The following GRM5 variants were observed in gnomAD, a reference collection of about 807,000 sequenced individuals.
GRM5 encodes glutamate metabotropic receptor 5, also known as metabotropic glutamate receptor 5.
Under a neutral mutation model 83.1 loss-of-function variants are expected in GRM5, and 19 were observed. The observed-to-expected ratio is 0.23, with a 90% confidence interval of 0.16 to 0.34. GRM5 has a LOEUF of 0.34. GRM5 is among the 10% of genes least tolerant of loss of function. The probability of loss-of-function intolerance (pLI) is 1.00; values close to 1 mark genes in which losing one functional copy is unlikely to be tolerated. For missense variants in GRM5, 1,160 were observed against 1,588.3 expected (o/e 0.73, Z 4.58); for synonymous variants, 675 against 633.6 (o/e 1.07, Z -0.98).
intron 2 of GRM5, among the ~76,000 whole-genome samples, chr11:88,912,741 C>T (rs1390271208): frequency 6.6e-6 from 1 of 152,110 alleles, no homozygotes; most frequent in East Asian, 1.9e-4. Flanking sequence ...AACTATATTC[C>T]ATTATGAAAC....
In GRM5 at chr11:88,987,489, G is replaced by T. The variant is rs975721086; in HGVS notation, c.661+59723C>A. Among the ~76,000 whole-genome samples, 71 of 152,000 alleles carry T rather than the reference G, an allele frequency of 4.7e-4. No individual in the cohort carries two copies. The East Asian group carries it at 0.013, about 28-fold the overall frequency. ...GGTAAACAAAGCAGCCAGGAAGCTC[G>T]AACTGGGTGGAGCCCACCACAGCTC... is the stretch of plus-strand genomic sequence containing the variant. On this transcript the variant is annotated intron_variant, in intron 2 of 9. Transcript: ENST00000305447.
At position 88,506,480 on chromosome 11, in the gene GRM5, C is replaced by T. The variant is rs2135066303; in HGVS notation, c.*2112G>A. On this transcript the variant is annotated 3_prime_UTR_variant, in exon 10 of 10. Transcript: ENST00000305447. ...GGGTATTAACACCTCAAAAGATTTC[C>T]ATTTGTTTTTCAGATAGAGGCAGAC... 2 of 152,236 alleles carry T rather than the reference C, an allele frequency of 1.3e-5. No individual in the cohort carries two copies. Among genetic ancestry groups the T allele is most frequent in the South Asian group, 4.1e-4 (2 of 4,832 alleles). The allele number at this position is 152,236 out of a possible 1,614,324, so 9.4% of individuals were successfully genotyped here. A position where few individuals can be genotyped will look rare whatever the true frequency, so the allele number is the denominator to read the frequency against.
chr11:88,845,342 G>A (rs1485526748), intron 3 of GRM5, among the ~76,000 whole-genome samples: 2 of 143,392 alleles, frequency 1.4e-5, no homozygotes, highest in Admixed American at 1.4e-4. Flanking sequence ...TAGCAATAAA[G>A]TATATTTGAA....
chr11:89,045,048 A>C (rs1332321322), intron 2 of GRM5, among the ~76,000 whole-genome samples: 1 of 152,154 alleles, frequency 6.6e-6, no homozygotes, highest in African/African-American at 2.4e-5. Flanking sequence ...GGATCAAAGC[A>C]AGATAAATAT....
Position 88,653,422 on chromosome 11 carries a change from A to G in GRM5, c.912-19T>C. On this transcript the variant is annotated intron_variant, in intron 3 of 9. Transcript: ENST00000305447. ...GCCATCACTGTGGGGAAATAAAAAAACCCTCAGCTTAGAACAGATATCTCC... is the reference window on the plus strand; with the variant it reads ...GCCATCACTGTGGGGAAATAAAAAAGCCCTCAGCTTAGAACAGATATCTCC... 2 of 1,547,848 alleles carry G rather than the reference A, an allele frequency of 1.3e-6. No individual in the cohort carries two copies. Among genetic ancestry groups the G allele is most frequent in the Non-Finnish European group, 8.9e-7 (1 of 1,121,506 alleles).
intron 2 of GRM5, among the ~76,000 whole-genome samples, chr11:88,968,560 G>A (rs1266734890): frequency 6.6e-6 from 1 of 152,022 alleles, no homozygotes; most frequent in Non-Finnish European, 1.5e-5. Flanking sequence ...GTGGTGACTT[G>A]CACCTGTAGT....
At chr11:88,604,049 T>C (rs1938074868) in intron 5 of GRM5, among the ~76,000 whole-genome samples, 1 of 152,144 alleles carries the variant, frequency 6.6e-6, no homozygotes. Flanking sequence ...AATGACTATG[T>C]AGAGTCATTT....
intron 2 of GRM5, among the ~76,000 whole-genome samples, chr11:88,860,186 T>C (rs574787483): frequency 6.6e-6 from 1 of 152,252 alleles, no homozygotes; most frequent in South Asian, 2.1e-4. Context: ...TTTTTTAATC[T>C]TCTTAAAAAT....
At chr11:89,037,946 G>A (rs1037978095) in intron 2 of GRM5, among the ~76,000 whole-genome samples, 3 of 152,064 alleles carry the variant, frequency 2.0e-5, no homozygotes, top group African/African-American at 7.2e-5. Context: ...ATGGCTATGT[G>A]TAACTAAGGT....
chr11:88,741,634 T>C (rs1942031577), intron 3 of GRM5, among the ~76,000 whole-genome samples: 2 of 152,124 alleles, frequency 1.3e-5, no homozygotes, highest in Admixed American at 1.3e-4. Flanking sequence ...AGTATATTAA[T>C]CTATACCATC....
intron 4 of GRM5, among the ~76,000 whole-genome samples, chr11:88,627,236 C>G (rs1938825087): frequency 6.6e-6 from 1 of 152,180 alleles, no homozygotes; most frequent in South Asian, 2.1e-4. Context: ...AAAGCTTGTA[C>G]AAAACCACTT....
intron 1 of GRM5, among the ~76,000 whole-genome samples, chr11:89,060,266 GTA>G (rs71046276): frequency 0.48 from 69,985 of 146,654 alleles, 17,317 homozygotes; most frequent in South Asian, 0.7. Flanking sequence ...ATGGTAAATG[GTA>G]TATATATATA....
chr11:88,761,845 C>CACAGACA (rs57759349), intron 3 of GRM5, among the ~76,000 whole-genome samples: 75,010 of 151,416 alleles, frequency 0.5, 22,457 homozygotes, highest in Non-Finnish European at 0.7. Flanking sequence ...GGTACTGGTA[C>CACAGACA]ACAGACACAT....
intron 7 of GRM5, among the ~76,000 whole-genome samples, chr11:88,575,640 G>A (rs1186022842): frequency 2.0e-5 from 3 of 152,136 alleles, no homozygotes; most frequent in Non-Finnish European, 4.4e-5. Flanking sequence ...CAAGATTTTC[G>A]TTCTGGGCTA....
chr11:88,711,846 C>CAG lies in GRM5; in HGVS notation c.912-58445_912-58444dup, dbSNP rs539741007. On this transcript the variant is annotated intron_variant, in intron 3 of 9. Transcript: ENST00000305447. ...CATATAACTAGCCAATGTGAGAACT[C>CAG]AGAGAGAGAGACAGAGAGAGAGAGA... 3.7e-3 allele frequency among the ~76,000 whole-genome samples: 563 copies of CAG among 152,028 alleles called. 3 individuals are homozygous for CAG. The highest frequency in any genetic ancestry group is 0.013 in the African/African-American group (536 of 41,490).
At chr11:88,970,789 AGGCAGTGGGAAGTG>A (rs1039050020) in intron 2 of GRM5, among the ~76,000 whole-genome samples, 9 of 152,180 alleles carry the variant, frequency 5.9e-5, no homozygotes, top group African/African-American at 2.2e-4. Context: ...CACAATATGT[AGGCAGTGGGAAGTG>A]GGCAGTGGGC....
intron 1 of GRM5, among the ~76,000 whole-genome samples, chr11:89,059,015 A>C (rs1223658198): frequency 6.6e-6 from 1 of 152,152 alleles, no homozygotes; most frequent in Non-Finnish European, 1.5e-5. Flanking sequence ...TTTTCAAAAA[A>C]TATTTTTGAT....
At chr11:88,520,719 T>A (rs561228540) in intron 9 of GRM5, among the ~76,000 whole-genome samples, 2 of 152,078 alleles carry the variant, frequency 1.3e-5, no homozygotes, top group African/African-American at 4.8e-5. Context: ...GAAGAAATAA[T>A]TGAATGAATG....
chr11:88,901,228 G>C (rs1945310378), intron 2 of GRM5, among the ~76,000 whole-genome samples: 1 of 151,966 alleles, frequency 6.6e-6, no homozygotes, highest in Non-Finnish European at 1.5e-5. Context: ...TAATGGTTTG[G>C]GGTGGATAAT....
Sources: allele counts gnomAD v4.1 joint callset (sites outside exome capture counted in the v4.1 genomes callset), GRCh38; gene constraint gnomAD v4.1.1; transcripts MANE v1.5; gene names NCBI Gene and HGNC (gene_info 2026-07-23, HGNC 2026-07-21).